Variants in ZNF385D observed in about 807,000 individuals in gnomAD.
ZNF385D encodes the protein zinc finger protein 659.
A neutral mutation model predicts 35.8 loss-of-function variants in ZNF385D; 15 were observed. The observed-to-expected ratio is 0.42, with a 90% CI of 0.28 to 0.64. ZNF385D has a LOEUF of 0.64. Ranked by LOEUF, ZNF385D falls within the 30% of genes least tolerant of loss-of-function variation. The pLI, the probability that ZNF385D is intolerant of heterozygous loss-of-function variation, is 0.23. For synonymous variants in ZNF385D, 212 were observed against 186.8 expected (o/e 1.13, Z -1.10); for missense variants, 474 against 494.6 (o/e 0.96, Z 0.39).
intron 2 of ZNF385D, among the ~76,000 whole-genome samples, chr3:22,195,386 A>T (rs2728970): frequency 0.17 from 25,817 of 151,708 alleles, 2,261 homozygotes; most frequent in Middle Eastern, 0.24. Context: ...ACATATATAT[A>T]TTTTTTCTTT....
At chr3:21,995,537 G>A (rs1157919852) in intron 3 of ZNF385D, among the ~76,000 whole-genome samples, 1 of 152,056 alleles carries the variant, frequency 6.6e-6, no homozygotes, top group South Asian at 2.1e-4. Flanking sequence ...TCAATCCCCA[G>A]GTCGCTGGAT....
At chr3:22,187,360 C>G (rs1044855615) in intron 2 of ZNF385D, among the ~76,000 whole-genome samples, 2 of 152,038 alleles carry the variant, frequency 1.3e-5, no homozygotes, top group African/African-American at 4.8e-5. Flanking sequence ...CTCATGATAA[C>G]TAATGGAGCA....
At chr3:22,179,912 C>T (rs1029851760) in intron 2 of ZNF385D, among the ~76,000 whole-genome samples, 1 of 152,120 alleles carries the variant, frequency 6.6e-6, no homozygotes, top group African/African-American at 2.4e-5. Flanking sequence ...CAAAAGCTAG[C>T]AGAAGGCAAG....
chr3:21,503,820 A>G (rs762215956), intron 4 of ZNF385D, among the ~76,000 whole-genome samples: 6 of 152,302 alleles, frequency 3.9e-5, no homozygotes, highest in Non-Finnish European at 7.4e-5. Flanking sequence ...TGTGCATTCC[A>G]ATAAACACTT....
chr3:21,723,800 C>T (rs1164869265), intron 1 of ZNF385D, among the ~76,000 whole-genome samples: 16 of 152,050 alleles, frequency 1.1e-4, no homozygotes, highest in Admixed American at 6.6e-4. Flanking sequence ...ATACAGAGAA[C>T]ACCACGAAGA....
intron 3 of ZNF385D, among the ~76,000 whole-genome samples, chr3:22,113,373 C>G (rs1022290668): frequency 6.6e-6 from 1 of 152,012 alleles, no homozygotes; most frequent in Non-Finnish European, 1.5e-5. Flanking sequence ...ACTATACTAC[C>G]TTATATAGTG....
intron 3 of ZNF385D, among the ~76,000 whole-genome samples, chr3:22,080,111 A>G (rs191988781): frequency 1.5e-4 from 23 of 152,126 alleles, no homozygotes; most frequent in Non-Finnish European, 2.8e-4. Flanking sequence ...TTTTGCCATT[A>G]CAGTTTGTCA....
At chr3:21,609,242 C>T (rs1019458265) in intron 2 of ZNF385D, among the ~76,000 whole-genome samples, 2 of 152,226 alleles carry the variant, frequency 1.3e-5, no homozygotes, top group Admixed American at 6.5e-5. Context: ...GTCTCATTAA[C>T]ACACAGCTCT....
intron 2 of ZNF385D, among the ~76,000 whole-genome samples, chr3:22,183,530 G>T (rs956391973): frequency 1.3e-5 from 2 of 151,904 alleles, no homozygotes; most frequent in African/African-American, 2.4e-5. Context: ...GCTAATTTTT[G>T]TATTTTTAGT....
At chr3:22,123,456 G>T (rs538943381) in intron 3 of ZNF385D, among the ~76,000 whole-genome samples, 1 of 151,992 alleles carries the variant, frequency 6.6e-6, no homozygotes, top group Non-Finnish European at 1.5e-5. Flanking sequence ...ATCACACCAC[G>T]GTAAATGGGG....
intron 3 of ZNF385D, among the ~76,000 whole-genome samples, chr3:21,798,789 G>C (rs2072268321): frequency 1.3e-5 from 2 of 152,136 alleles, no homozygotes; most frequent in East Asian, 1.9e-4. Context: ...AGAATTCTCA[G>C]TGATACTTTA....
intron 2 of ZNF385D, among the ~76,000 whole-genome samples, chr3:22,248,269 CCA>C (rs2125324925): frequency 6.6e-6 from 1 of 152,246 alleles, no homozygotes; most frequent in East Asian, 1.9e-4. Flanking sequence ...CTGTACAAGA[CCA>C]CACACAGTTG....
chr3:22,177,383 T>C (rs1028800205), intron 2 of ZNF385D, among the ~76,000 whole-genome samples: 1 of 152,170 alleles, frequency 6.6e-6, no homozygotes, highest in Non-Finnish European at 1.5e-5. Flanking sequence ...CTTATGTATA[T>C]CTGGTGAAAA....
intron 3 of ZNF385D, among the ~76,000 whole-genome samples, chr3:22,122,510 T>A (rs55934991): frequency 2.6e-5 from 4 of 152,056 alleles, no homozygotes; most frequent in African/African-American, 9.7e-5. Flanking sequence ...ACTAAATATA[T>A]GTCAGAATCT....
chr3:21,869,721 T>G (rs1679215), intron 3 of ZNF385D, among the ~76,000 whole-genome samples: 137,624 of 152,166 alleles, frequency 0.9, 62,593 homozygotes, highest in South Asian at 0.93. Flanking sequence ...ATGAACTGTA[T>G]TAATTAGTTA....
chr3:21,498,170 GA>G (rs1461938319), intron 4 of ZNF385D, among the ~76,000 whole-genome samples: 2 of 152,154 alleles, frequency 1.3e-5, no homozygotes, highest in Admixed American at 1.3e-4. Context: ...GCTATATGCA[GA>G]AGATTGAAAT....
At chr3:22,027,644 C>G (rs892229633) in intron 3 of ZNF385D, among the ~76,000 whole-genome samples, 9 of 152,172 alleles carry the variant, frequency 5.9e-5, no homozygotes, top group Non-Finnish European at 1.3e-4. Context: ...GAACTGGGTG[C>G]TTTCTGACCT....
chr3:22,015,903 C>T (rs1193504903), intron 3 of ZNF385D, among the ~76,000 whole-genome samples: 1 of 151,998 alleles, frequency 6.6e-6, no homozygotes, highest in Non-Finnish European at 1.5e-5. Context: ...TGCCCACGTT[C>T]CTGAAAAAAA....
chr3:22,057,394 G>A (rs1699459288), intron 3 of ZNF385D, among the ~76,000 whole-genome samples: 1 of 152,128 alleles, frequency 6.6e-6, no homozygotes, highest in Non-Finnish European at 1.5e-5. Flanking sequence ...TGTTAGAAAG[G>A]ACTTGAAGTA....
Sources: allele counts gnomAD v4.1 joint callset (sites outside exome capture counted in the v4.1 genomes callset), GRCh38; gene constraint gnomAD v4.1.1; transcripts MANE v1.5; gene names NCBI Gene and HGNC (gene_info 2026-07-23, HGNC 2026-07-21).